ST8SIA3: variants seen among roughly 807,000 people sequenced by gnomAD.
The protein encoded by ST8SIA3 is ST8 alpha-N-acetyl-neuraminide alpha-2,8-sialyltransferase 3.
A neutral mutation model predicts 34.5 loss-of-function variants in ST8SIA3; 17 were observed. The ratio of observed to expected loss-of-function variants is 0.49; its 90% CI spans 0.34 to 0.74. The LOEUF (loss-of-function observed/expected upper bound fraction) is 0.74, where lower values mean the gene tolerates loss of function less well. Ranked by LOEUF, ST8SIA3 falls within the 30% of genes least tolerant of loss-of-function variation. The pLI is 0.01. For synonymous variants in ST8SIA3, 172 were observed against 176.1 expected, an observed-to-expected ratio of 0.98 and a Z score of 0.19; for missense variants, 354 against 467.8, an observed-to-expected ratio of 0.76 and a Z score of 2.24.
chr18:57,352,716 C>T lies in ST8SIA3; in HGVS notation c.-131C>T, dbSNP rs1337686654. On this transcript the variant is annotated 5_prime_UTR_variant, in exon 1 of 4. Coordinates refer to ENST00000324000, the MANE Select transcript of ST8SIA3 (RefSeq NM_015879.3). ...CCCCCGCCCGGGTCCCCCTCCTCCG[C>T]CACACGCGCGCGCGCTCACACACAC... 6 of 318,550 alleles carry T rather than the reference C, an allele frequency of 1.9e-5. No individual in the cohort carries two copies. Among genetic ancestry groups the T allele is most frequent in the South Asian group, 1.2e-4 (5 of 42,190 alleles). 19.7% of individuals were successfully genotyped at this position (318,550 alleles called of 1,614,324 possible).
chr18:57,355,007 C>T (rs1160634742), intron 2 of ST8SIA3, among the ~76,000 whole-genome samples: 1 of 152,196 alleles, frequency 6.6e-6, no homozygotes, highest in African/African-American at 2.4e-5. Flanking sequence ...CATCAAATTA[C>T]TCGTGAAAAT....
chr18:57,352,804 TG>T lies in ST8SIA3; in HGVS notation c.-41del. ...CGCCAGCGAGCTGCTGGCCGCTCAA[TG>T]GACCGATTTCCCCGGTTTCCCTGAA... On this transcript the variant is annotated 5_prime_UTR_variant, in exon 1 of 4. It removes the in-frame stop codon of an upstream open reading frame in the 5' UTR. Coordinates refer to ENST00000324000, the MANE Select transcript of ST8SIA3 (RefSeq NM_015879.3). 1 of 1,574,596 alleles carries T rather than the reference TG, an allele frequency of 6.4e-7. No homozygotes were observed. The highest frequency in any genetic ancestry group is 8.7e-7 in the Non-Finnish European group (1 of 1,148,922).
At chr18:57,358,334 A>G (rs1153630) in intron 3 of ST8SIA3, among the ~76,000 whole-genome samples, 26,129 of 152,092 alleles carry the variant, frequency 0.17, 2,602 homozygotes, top group African/African-American at 0.26. Context: ...AGTTTCCCCT[A>G]TGTAAGTAGC....
chr18:57,352,833 C>T lies in ST8SIA3; in HGVS notation c.-14C>T. 1.2e-6 allele frequency: 2 copies of T among 1,612,596 alleles called. No homozygotes were observed. The highest frequency in any genetic ancestry group is 2.2e-5 in the East Asian group (1 of 44,860). ...CCGATTTCCCCGGTTTCCCTGAACCCAGCCCAGCCCGGGATGAGAAACTGC... is the reference window on the plus strand; with the variant it reads ...CCGATTTCCCCGGTTTCCCTGAACCTAGCCCAGCCCGGGATGAGAAACTGC... On this transcript the variant is annotated 5_prime_UTR_variant, in exon 1 of 4. Coordinates refer to ENST00000324000, the MANE Select transcript of ST8SIA3 (RefSeq NM_015879.3).
intron 2 of ST8SIA3, among the ~76,000 whole-genome samples, chr18:57,354,880 G>A (rs928703193): frequency 2.0e-5 from 3 of 151,044 alleles, no homozygotes; most frequent in African/African-American, 7.3e-5. Context: ...CAGACAAAAG[G>A]TTAGTTGCAA....
rs964828281 is a variant in ST8SIA3 at position 57,362,975 on chromosome 18, C to T, written c.*2698C>T. 6.6e-6 allele frequency: 1 copy of T among 152,398 alleles called. No individual in the cohort carries two copies. Among genetic ancestry groups the T allele is most frequent in the Admixed American group, 6.5e-5 (1 of 15,304 alleles). The allele number at this position is 152,398 out of a possible 1,614,324, so 9.4% of individuals were successfully genotyped here. On this transcript the variant is annotated 3_prime_UTR_variant, in exon 4 of 4. Transcript: ENST00000324000. ...GCAGTGAACTGGGCAGTAATCAGCT[C>T]AGGACCATTGGCTCTTTCCTCCTCT...
chr18:57,357,534 T>C, intron 3 of ST8SIA3, 64 bp downstream of exon 3: 2 of 1,337,644 alleles, frequency 1.5e-6, no homozygotes, highest in Non-Finnish European at 2.1e-6. Context: ...TTGTAATCTC[T>C]TGGGGGTGGG....
intron 2 of ST8SIA3, among the ~76,000 whole-genome samples, chr18:57,356,066 T>C (rs1284759629): frequency 6.6e-6 from 1 of 152,232 alleles, no homozygotes; most frequent in African/African-American, 2.4e-5. Context: ...CTAGCAGCAG[T>C]AGCATGTTAC....
intron 2 of ST8SIA3, among the ~76,000 whole-genome samples, chr18:57,356,525 G>A (rs981323022): frequency 6.6e-6 from 1 of 152,192 alleles, no homozygotes; most frequent in Non-Finnish European, 1.5e-5. Flanking sequence ...TACAAACTAT[G>A]TGTTACTAAT....
At position 57,368,327 on chromosome 18, in the gene ST8SIA3, C is replaced by A. The variant is rs1347260863; in HGVS notation, c.*8050C>A. On this transcript the variant is annotated 3_prime_UTR_variant, in exon 4 of 4. Transcript: ENST00000324000. ...TATCAGTATAGAAGGAGGAGCAAAGCTCTTTAAGAGTAATGATGAAACCAA... is the reference window on the plus strand; with the variant it reads ...TATCAGTATAGAAGGAGGAGCAAAGATCTTTAAGAGTAATGATGAAACCAA... 1 of 152,150 alleles carries A rather than the reference C, an allele frequency of 6.6e-6. No homozygotes were observed. The highest frequency in any genetic ancestry group is 1.5e-5 in the Non-Finnish European group (1 of 68,028). 9.4% of individuals were successfully genotyped at this position (152,150 alleles called of 1,614,324 possible).
At chr18:57,354,353 TC>T in intron 1 of ST8SIA3, 48 bp from the exon 2 acceptor site, 3 of 1,610,122 alleles carry the variant, frequency 1.9e-6, no homozygotes, top group African/African-American at 1.3e-5. Context: ...TACCTCGGCT[TC>T]CCCGAGCTGA....
In ST8SIA3 at chr18:57,354,419, A is replaced by C; in HGVS notation, c.197A>C (p.Lys66Thr). 6.2e-7 allele frequency: 1 copy of C among 1,614,124 alleles called. No individual in the cohort carries two copies. The highest frequency in any genetic ancestry group is 1.1e-5 in the South Asian group (1 of 91,072). The part of the protein sequence containing the change: ...HAGFRSQFAL[K>T]FLDPSFVPIT... ...CTCTCCAGGTCACAATTTGCGCTGA[A>C]GTTTCTAGACCCGTCATTCGTGCCC... Residue 66 changes from lysine to threonine, a missense_variant, in exon 2 of 4, where the codon AAG (lysine) becomes ACG (threonine). Physicochemically the swap from Lys to Thr is moderately conservative, Grantham distance 78. Transcript: ENST00000324000.
intron 1 of ST8SIA3, among the ~76,000 whole-genome samples, 168 bp downstream of exon 1, chr18:57,353,193 A>AT (rs1006643866): frequency 3.9e-4 from 57 of 146,902 alleles, no homozygotes; most frequent in East Asian, 2.8e-3. Context: ...CCTCCCTGTT[A>AT]TTTTTTTTTT....
At position 57,366,960 on chromosome 18, in the gene ST8SIA3, G is replaced by A. The variant is rs1025481499; in HGVS notation, c.*6683G>A. 2 of 152,218 alleles carry A rather than the reference G, an allele frequency of 1.3e-5. No individual in the cohort carries two copies. The highest frequency in any genetic ancestry group is 4.8e-5 in the African/African-American group (2 of 41,460). 9.4% of individuals were successfully genotyped at this position (152,218 alleles called of 1,614,324 possible). On this transcript the variant is annotated 3_prime_UTR_variant, in exon 4 of 4. Transcript: ENST00000324000. ...TAGTTGTGAGTGTACTTCCAACTGA[G>A]TGTTTAGAAATCAGGTAATCTGGTA...
chr18:57,357,617 C>T (rs766619003), intron 3 of ST8SIA3, 147 bp downstream of exon 3: 12 of 664,480 alleles, frequency 1.8e-5, no homozygotes, highest in South Asian at 6.0e-5. Flanking sequence ...TTGTAATGAG[C>T]GAATGAATGA....
intron 1 of ST8SIA3, 79 bp from the exon 2 acceptor site, chr18:57,354,323 A>G (rs1055781578): frequency 6.3e-7 from 1 of 1,591,036 alleles, no homozygotes; most frequent in Non-Finnish European, 8.6e-7. Context: ...CCCTCGCCCC[A>G]GCCGCTGCAC....
intron 2 of ST8SIA3, among the ~76,000 whole-genome samples, chr18:57,356,544 A>G (rs1467079541): frequency 1.3e-5 from 2 of 152,242 alleles, no homozygotes; most frequent in Non-Finnish European, 2.9e-5. Flanking sequence ...ATGTTTGTGC[A>G]TTAATGTGAG....
intron 1 of ST8SIA3, 60 bp downstream of exon 1, chr18:57,353,085 A>G: frequency 6.4e-7 from 1 of 1,569,790 alleles, no homozygotes; most frequent in Non-Finnish European, 8.6e-7. Context: ...TGTTTGGGGA[A>G]GGGAAGGCGT....
At position 57,356,973 on chromosome 18, in the gene ST8SIA3, T is replaced by A; in HGVS notation, c.363T>A (p.Val121=). 6.2e-7 allele frequency: 1 copy of A among 1,613,828 alleles called. No individual in the cohort carries two copies. Among genetic ancestry groups the A allele is most frequent in the Non-Finnish European group, 8.5e-7 (1 of 1,179,854 alleles). The change falls in exon 3 of 4, where the codon GTT becomes GTA. Residue 121 remains valine (V), a synonymous_variant. Transcript: ENST00000324000. ...ATTTTTCTTTGACCAAGAATAGTGT[T>A]CGGATTGGACAACTGATGCACTATG... ...IKNFSLTKNS[V]RIGQLMHYDY...
Sources: allele counts gnomAD v4.1 joint callset (sites outside exome capture counted in the v4.1 genomes callset), GRCh38; gene constraint gnomAD v4.1.1; transcripts MANE v1.5; gene names NCBI Gene and HGNC (gene_info 2026-07-23, HGNC 2026-07-21).